TRIM2: variants seen among roughly 807,000 people sequenced by gnomAD.
The protein encoded by TRIM2 is tripartite motif-containing protein 2.
In TRIM2, 20 loss-of-function variants were observed where a neutral mutation model predicts 75.2. The ratio of observed to expected loss-of-function variants is 0.27; its 90% CI spans 0.19 to 0.39. TRIM2 has a LOEUF of 0.39. Among genes scored for constraint, TRIM2 ranks in the 10% least tolerant of loss-of-function variants. TRIM2 has a pLI of 1.00. For missense variants in TRIM2, 660 were observed against 990.8 expected, an observed-to-expected ratio of 0.67 and a Z score of 4.48; for synonymous variants, 373 against 388.3, an observed-to-expected ratio of 0.96 and a Z score of 0.46.
At chr4:153,313,807 T>C (rs1026283969) in intron 6 of TRIM2, among the ~76,000 whole-genome samples, 4 of 151,172 alleles carry the variant, frequency 2.6e-5, no homozygotes, top group African/African-American at 9.9e-5. Flanking sequence ...CAGTTAGTTT[T>C]TGTATTTTTA....
At chr4:153,171,085 G>A (rs903175308) in intron 1 of TRIM2, among the ~76,000 whole-genome samples, 1 of 152,196 alleles carries the variant, frequency 6.6e-6, no homozygotes, top group African/African-American at 2.4e-5. Context: ...CCTTAGGACC[G>A]AGGCTGTGGG....
At chr4:153,282,012 G>T (rs1407795606) in intron 3 of TRIM2, among the ~76,000 whole-genome samples, 1 of 152,198 alleles carries the variant, frequency 6.6e-6, no homozygotes, top group Non-Finnish European at 1.5e-5. Context: ...CAAGCCTCAG[G>T]GTTGGCTGCA....
intron 1 of TRIM2, among the ~76,000 whole-genome samples, chr4:153,246,638 A>G (rs1749227384): frequency 6.6e-6 from 1 of 152,154 alleles, no homozygotes; most frequent in African/African-American, 2.4e-5. Context: ...TGTTGAATGA[A>G]GTGGATAGGG....
chr4:153,181,409 C>T (rs1273231321), intron 1 of TRIM2, among the ~76,000 whole-genome samples: 2 of 152,124 alleles, frequency 1.3e-5, no homozygotes, highest in African/African-American at 4.8e-5. Flanking sequence ...AACAAGGCAG[C>T]GACCATGTGA....
At chr4:153,300,067 C>A (rs78933841) in intron 6 of TRIM2, among the ~76,000 whole-genome samples, 3 of 152,128 alleles carry the variant, frequency 2.0e-5, no homozygotes, top group Non-Finnish European at 4.4e-5. Context: ...TATTTCTTTG[C>A]GGCACCGAAA....
At chr4:153,228,072 T>G (rs1742629256) in intron 1 of TRIM2, among the ~76,000 whole-genome samples, 1 of 152,196 alleles carries the variant, frequency 6.6e-6, no homozygotes, top group Non-Finnish European at 1.5e-5. Flanking sequence ...GATATCCCCT[T>G]ATTTAGCGTG....
chr4:153,239,185 T>C (rs1745815984), intron 1 of TRIM2, among the ~76,000 whole-genome samples: 1 of 152,092 alleles, frequency 6.6e-6, no homozygotes, highest in African/African-American at 2.4e-5. Context: ...ACCCCATCTC[T>C]ACTAAAAATA....
rs1192476954 is a variant in TRIM2, at chr4:153,334,991, C to A, written c.*25C>A. On this transcript the variant is annotated 3_prime_UTR_variant, in exon 12 of 12. Coordinates refer to ENST00000338700, the MANE Select transcript of TRIM2 (RefSeq NM_015271.5). ...ATGGTGGGCAGGTGGATACCCGCTT[C>A]CATGGTCTTGCACTATAAACTGGAA... 1.9e-6 allele frequency: 3 copies of A among 1,598,922 alleles called. No homozygotes were observed. Among genetic ancestry groups the A allele is most frequent in the Non-Finnish European group, 2.6e-6 (3 of 1,170,682 alleles).
chr4:153,213,699 T>A (rs1054849631), intron 1 of TRIM2, among the ~76,000 whole-genome samples: 4 of 152,162 alleles, frequency 2.6e-5, no homozygotes, highest in African/African-American at 7.2e-5. Flanking sequence ...GGCTGACTTT[T>A]GTATTTTTAG....
intron 1 of TRIM2, among the ~76,000 whole-genome samples, chr4:153,243,389 G>A (rs376523491): frequency 2.6e-5 from 4 of 152,368 alleles, no homozygotes; most frequent in African/African-American, 9.6e-5. Context: ...GGGCAAAGAC[G>A]AAGAGCAGTG....
chr4:153,235,086 C>CT (rs904586857), intron 1 of TRIM2, among the ~76,000 whole-genome samples: 7 of 152,026 alleles, frequency 4.6e-5, no homozygotes, highest in African/African-American at 7.2e-5. Context: ...GCTTGTTCCA[C>CT]TTTTTTGTTG....
intron 1 of TRIM2, among the ~76,000 whole-genome samples, chr4:153,179,719 G>A (rs1731852426): frequency 6.6e-6 from 1 of 152,170 alleles, no homozygotes; most frequent in South Asian, 2.1e-4. Flanking sequence ...CTCAAGGGGG[G>A]AGGTGTATTG....
Position 153,207,176 on chromosome 4 carries a change from T to C in TRIM2, c.30+2616T>C, listed in dbSNP as rs541986378. ...TTCACACTTCAGGTCACTTACTCAC[T>C]GTGTAACTCTGTGCAAGTTCCCTAA... is the stretch of plus-strand genomic sequence containing the variant. On this transcript the variant is annotated intron_variant, in intron 1 of 11. Coordinates refer to ENST00000338700, the MANE Select transcript of TRIM2 (RefSeq NM_015271.5). Among the ~76,000 whole-genome samples the C allele has an allele frequency of 1.6e-3, 237 of 152,344 alleles. 2 individuals are homozygous for C. The highest frequency in any genetic ancestry group is 5.2e-3 in the African/African-American group (215 of 41,574).
At chr4:153,207,837 C>G (rs1735899636) in intron 1 of TRIM2, among the ~76,000 whole-genome samples, 1 of 152,196 alleles carries the variant, frequency 6.6e-6, no homozygotes. Context: ...AAAGTCCATT[C>G]TAGCTTCTGT....
At chr4:153,320,693 C>T (rs192184209) in intron 8 of TRIM2, among the ~76,000 whole-genome samples, 42 of 152,208 alleles carry the variant, frequency 2.8e-4, no homozygotes, top group Middle Eastern at 3.4e-3. Context: ...AGTGAGGTGG[C>T]GCGACCTTGG....
chr4:153,171,584 T>A (rs1375690931), intron 1 of TRIM2, among the ~76,000 whole-genome samples: 2 of 151,860 alleles, frequency 1.3e-5, no homozygotes, highest in African/African-American at 4.8e-5. Context: ...AGACTCCATC[T>A]CAAAAACACA....
At chr4:153,299,355 G>GTATATATATATA (rs139493331) in intron 6 of TRIM2, among the ~76,000 whole-genome samples, 2 of 150,520 alleles carry the variant, frequency 1.3e-5, no homozygotes, top group African/African-American at 4.9e-5. Context: ...GTGTGTATGT[G>GTATATATATATA]TATATATATA....
At chr4:153,316,512 G>A (rs1366497742) in intron 8 of TRIM2, among the ~76,000 whole-genome samples, 1 of 152,082 alleles carries the variant, frequency 6.6e-6, no homozygotes, top group Non-Finnish European at 1.5e-5. Context: ...AACAATTTAT[G>A]TCAGTCTCTA....
chr4:153,213,801 C>T (rs1426243231), intron 1 of TRIM2, among the ~76,000 whole-genome samples: 1 of 152,204 alleles, frequency 6.6e-6, no homozygotes, highest in Non-Finnish European at 1.5e-5. Context: ...GCTGGGATTA[C>T]AGGTGTGAAC....
Sources: gnomAD v4.1 joint callset for allele counts (sites outside exome capture counted in the v4.1 genomes callset) on GRCh38, gnomAD v4.1.1 for gene constraint, MANE v1.5 for transcripts, NCBI Gene and HGNC (gene_info 2026-07-23, HGNC 2026-07-21) for gene names.